Variants in TRAPPC9 observed in about 807,000 individuals in gnomAD.
The protein encoded by TRAPPC9 is trafficking protein particle complex subunit 9.
Under a neutral mutation model 124.0 loss-of-function variants are expected in TRAPPC9, and 83 were observed. That is an observed-to-expected ratio of 0.67 (90% CI 0.56 to 0.80). TRAPPC9 has a LOEUF of 0.80. Ranked by LOEUF, TRAPPC9 falls within the 30% of genes least tolerant of loss-of-function variation. The pLI, the probability that TRAPPC9 is intolerant of heterozygous loss-of-function variation, is 0.00. For synonymous variants in TRAPPC9, 638 were observed against 617.5 expected, an observed-to-expected ratio of 1.03 and a Z score of -0.49; for missense variants, 1,302 against 1,508.3, an observed-to-expected ratio of 0.86 and a Z score of 2.27.
At chr8:140,002,287 C>T (rs191201483) in intron 18 of TRAPPC9, among the ~76,000 whole-genome samples, 157 of 151,534 alleles carry the variant, frequency 1.0e-3, no homozygotes, top group African/African-American at 3.2e-3. Flanking sequence ...AAAATATGGA[C>T]GCTAAGAAGT....
At chr8:140,152,446 C>T (rs375266790) in intron 17 of TRAPPC9, among the ~76,000 whole-genome samples, 9 of 149,438 alleles carry the variant, frequency 6.0e-5, no homozygotes, top group South Asian at 4.3e-4. Context: ...CTGCAAGCTC[C>T]GCCTCCCAGG....
chr8:139,804,155 A>G (rs373395761), intron 21 of TRAPPC9, among the ~76,000 whole-genome samples: 198 of 88,568 alleles, frequency 2.2e-3, no homozygotes, highest in East Asian at 4.3e-3. Flanking sequence ...ACCCACCACC[A>G]CCACCAAGCA....
At chr8:140,192,314 T>C (rs567191007) in intron 17 of TRAPPC9, among the ~76,000 whole-genome samples, 179 of 152,336 alleles carry the variant, frequency 1.2e-3, no homozygotes, top group African/African-American at 4.1e-3. Flanking sequence ...TGAAAATGGT[T>C]TCCCCACAGC....
At chr8:139,793,730 G>A (rs943737782) in intron 21 of TRAPPC9, among the ~76,000 whole-genome samples, 3 of 152,196 alleles carry the variant, frequency 2.0e-5, no homozygotes, top group Admixed American at 6.5e-5. Flanking sequence ...ACGGTACACC[G>A]TGGGTGGTAC....
chr8:140,344,239 C>A (rs1436275920), intron 9 of TRAPPC9, among the ~76,000 whole-genome samples: 1 of 152,178 alleles, frequency 6.6e-6, no homozygotes, highest in Non-Finnish European at 1.5e-5. Flanking sequence ...GCACCCTGGT[C>A]TTGAACTTCC....
chr8:139,747,407 T>G (rs6982448), intron 21 of TRAPPC9, among the ~76,000 whole-genome samples: 150,208 of 150,618 alleles, frequency 1, 74,902 homozygotes, highest in Middle Eastern at 1. Context: ...GATGTGAGGG[T>G]TGTGCAGGTG....
chr8:140,072,823 A>T (rs961862036), intron 17 of TRAPPC9, among the ~76,000 whole-genome samples: 5 of 152,186 alleles, frequency 3.3e-5, no homozygotes, highest in African/African-American at 9.6e-5. Context: ...TATCTGACAA[A>T]TTATTTAGAT....
At chr8:139,997,976 G>T (rs1370040929) in intron 18 of TRAPPC9, among the ~76,000 whole-genome samples, 1 of 132,778 alleles carries the variant, frequency 7.5e-6, no homozygotes, top group Non-Finnish European at 1.6e-5. Flanking sequence ...ACACAGGGGA[G>T]ACAATGCATC....
At chr8:139,869,464 C>T (rs1003483184) in intron 21 of TRAPPC9, among the ~76,000 whole-genome samples, 8 of 152,202 alleles carry the variant, frequency 5.3e-5, no homozygotes, top group African/African-American at 1.2e-4. Flanking sequence ...CACATCAATA[C>T]AAGATCACTC....
intron 21 of TRAPPC9, among the ~76,000 whole-genome samples, chr8:139,836,551 C>T (rs1016518008): frequency 1.3e-5 from 2 of 152,222 alleles, no homozygotes; most frequent in Admixed American, 1.3e-4. Flanking sequence ...TGCTCCCCTG[C>T]AGCAATGCAG....
chr8:140,311,185 T>G, intron 10 of TRAPPC9, 63 bp downstream of exon 10: 1 of 1,593,614 alleles, frequency 6.3e-7, no homozygotes, highest in Non-Finnish European at 8.5e-7. Context: ...CTATTCACAA[T>G]CAGACTAGAG....
intron 17 of TRAPPC9, among the ~76,000 whole-genome samples, chr8:140,032,414 C>G (rs546432873): frequency 6.6e-6 from 1 of 151,252 alleles, no homozygotes; most frequent in Non-Finnish European, 1.5e-5. Context: ...CCTCCCCCCC[C>G]ACCCTCCTCC....
intron 17 of TRAPPC9, among the ~76,000 whole-genome samples, chr8:140,187,661 G>A (rs574862990): frequency 2.1e-4 from 32 of 152,200 alleles, no homozygotes; most frequent in African/African-American, 7.2e-4. Context: ...TCTCCTCGTC[G>A]TCCTGGCCTT....
At chr8:139,895,731 T>C (rs925890916) in intron 20 of TRAPPC9, among the ~76,000 whole-genome samples, 2 of 152,370 alleles carry the variant, frequency 1.3e-5, no homozygotes, top group Middle Eastern at 3.4e-3. Context: ...AAGTCACTGA[T>C]ACACTTGGGC....
intron 17 of TRAPPC9, among the ~76,000 whole-genome samples, chr8:140,147,248 A>G (rs1344756526): frequency 6.6e-6 from 1 of 152,230 alleles, no homozygotes; most frequent in Non-Finnish European, 1.5e-5. Flanking sequence ...GGAAAGCCTA[A>G]GTGCTGCCAT....
At chr8:140,332,306 G>T (rs1252769744) in intron 9 of TRAPPC9, among the ~76,000 whole-genome samples, 2 of 152,214 alleles carry the variant, frequency 1.3e-5, no homozygotes, top group Admixed American at 1.3e-4. Context: ...AGAGAGTAGA[G>T]GCTGGGAAGG....
At chr8:139,997,836 G>GA (rs1207672265) in intron 18 of TRAPPC9, among the ~76,000 whole-genome samples, 28 of 145,268 alleles carry the variant, frequency 1.9e-4, no homozygotes, top group African/African-American at 7.3e-4. Flanking sequence ...TCCCACACAG[G>GA]GAGACAATGC....
At chr8:140,289,174 AGTGTGTGTGTGTGTGT>A (rs71320349) in intron 12 of TRAPPC9, among the ~76,000 whole-genome samples, 9,719 of 148,408 alleles carry the variant, frequency 0.065, 359 homozygotes, top group South Asian at 0.096. Context: ...ATATATATAT[AGTGTGTGTGTGTGTGT>A]GTGTGTGTGT....
intron 19 of TRAPPC9, chr8:139,916,660 C>T (rs1303876867): frequency 6.6e-6 from 1 of 152,086 alleles, no homozygotes; most frequent in Non-Finnish European, 1.5e-5. Context: ...CCAAATGTGA[C>T]AATAATAGTC....
Sources: allele counts gnomAD v4.1 joint callset (sites outside exome capture counted in the v4.1 genomes callset), GRCh38; gene constraint gnomAD v4.1.1; transcripts MANE v1.5; gene names NCBI Gene and HGNC (gene_info 2026-07-23, HGNC 2026-07-21).